Variants in SLC38A10 observed in about 807,000 individuals in gnomAD.
SLC38A10 encodes Sodium-coupled neutral amino acid transporter 10.
Under a neutral mutation model 81.0 loss-of-function variants are expected in SLC38A10, and 53 were observed. The observed-to-expected ratio is 0.65, with a 90% CI of 0.53 to 0.82. The LOEUF is 0.82. Among genes scored for constraint, SLC38A10 ranks in the 40% least tolerant of loss-of-function variants. SLC38A10 has a pLI of 0.00. For synonymous variants in SLC38A10, 665 were observed against 655.3 expected, an observed-to-expected ratio of 1.01 and a Z score of -0.23; for missense variants, 1,471 against 1,545.0, an observed-to-expected ratio of 0.95 and a Z score of 0.80.
intron 6 of SLC38A10, among the ~76,000 whole-genome samples, chr17:81,278,799 T>C (rs1049386597): frequency 3.9e-5 from 6 of 152,034 alleles, no homozygotes; most frequent in African/African-American, 1.4e-4. Flanking sequence ...CAGCCCCCAA[T>C]ACACCCTGTG....
intron 14 of SLC38A10, chr17:81,250,004 G>C: frequency 1.6e-6 from 2 of 1,265,874 alleles, no homozygotes; most frequent in South Asian, 2.5e-5. Flanking sequence ...CCACCGAGGG[G>C]CTGCGCTCAG....
At position 81,289,165 on chromosome 17, in the gene SLC38A10, T is replaced by C. The variant is rs2063290868; in HGVS notation, c.217+526A>G. On this transcript the variant is annotated intron_variant, in intron 2 of 15. Transcript: ENST00000374759. This position sits in a 1 kb window ranked among gnomAD's most constrained non-coding sequence, Gnocchi z 5.9. The stretch of plus-strand genomic sequence containing the variant: ...AAGAGATTCTCTGGCCTCAGCCTCC[T>C]GAGTAGCTAGGATTACAGATGCCTG... 6.6e-6 allele frequency among the ~76,000 whole-genome samples: 1 copy of C among 151,886 alleles called. No homozygotes were observed. The highest frequency in any genetic ancestry group is 2.1e-4 in the South Asian group (1 of 4,804).
At chr17:81,256,858 C>G (rs1487518707) in intron 11 of SLC38A10, among the ~76,000 whole-genome samples, 1 of 152,262 alleles carries the variant, frequency 6.6e-6, no homozygotes, top group African/African-American at 2.4e-5. Context: ...CCCAGGCTAT[C>G]TGGCTCCTGG....
At position 81,272,528 on chromosome 17, in the gene SLC38A10, G is replaced by A; in HGVS notation, c.1012C>T (p.Leu338Phe). Residue 338 changes from leucine (L) to phenylalanine (F), a missense_variant, in exon 9 of 16, where the codon CTT (leucine) becomes TTT (phenylalanine). Leu to Phe is a conservative substitution (Grantham distance 22, BLOSUM62 0). Around this residue, in one of 2 missense-constraint regions of SLC38A10, gnomAD observed 720 missense variants for 827.7 expected, o/e 0.87. Coordinates refer to ENST00000374759, the MANE Select transcript of SLC38A10 (RefSeq NM_001037984.3). ...CCTCCCGCCTTACCGTTGGGGATAA[G>A]GATGCCACCAACCATGGTTCCAAAC... ...VVFGTMVGGILIPNVETILGL... is the reference protein window; with the variant it reads ...VVFGTMVGGIFIPNVETILGL... 6.3e-7 allele frequency: 1 copy of A among 1,595,414 alleles called. No individual in the cohort carries two copies. The highest frequency in any genetic ancestry group is 8.5e-7 in the Non-Finnish European group (1 of 1,172,354).
intron 1 of SLC38A10, among the ~76,000 whole-genome samples, chr17:81,290,688 C>CA (rs1323138590): frequency 6.6e-5 from 10 of 152,154 alleles, no homozygotes; most frequent in African/African-American, 2.4e-4. Flanking sequence ...GGTGGTTACA[C>CA]AGCAAGCCCA....
Position 81,251,530 on chromosome 17 carries a change from C to G in SLC38A10, c.2028G>C (p.Glu676Asp), listed in dbSNP as rs55872261. The G allele has an allele frequency of 5.1e-6, 8 of 1,568,918 alleles. No individual in the cohort carries two copies. The highest frequency in any genetic ancestry group is 6.9e-6 in the Non-Finnish European group (8 of 1,161,568). ...TGGCCGCCTGGTTTCCACCCGCTCG[C>G]TCCACGTCCCTCTGCTCGCGAGGCT... The part of the protein sequence containing the change: ...PPEPREQRDV[E>D]RAGGNQAASQ... Residue 676 changes from glutamate (E) to aspartate (D), a missense_variant, in exon 14 of 16, where the codon GAG becomes GAC. By Grantham distance (45) the Glu-to-Asp change is conservative. Coordinates refer to ENST00000374759, the MANE Select transcript of SLC38A10 (RefSeq NM_001037984.3).
Position 81,277,028 on chromosome 17 carries a change from T to TA in SLC38A10, c.729+2dup, listed in dbSNP as rs1186527773. ...GGCGGAGAGGGCGTGGCAAGGCTCT[T>TA]ACCATGACGTAGAAGGTGGTGACCA... On this transcript the variant is annotated splice_region_variant and intron_variant, in intron 7 of 15. Transcript: ENST00000374759. The surrounding 1 kb of genome is among the most constrained non-coding windows in gnomAD (Gnocchi z 4.5). The TA allele has an allele frequency of 6.2e-7, 1 of 1,613,550 alleles. No homozygotes were observed. The highest frequency in any genetic ancestry group is 8.5e-7 in the Non-Finnish European group (1 of 1,179,686).
intron 14 of SLC38A10, chr17:81,247,335 C>T (rs901670306): frequency 1.5e-5 from 5 of 341,300 alleles, no homozygotes; most frequent in African/African-American, 2.1e-5. Flanking sequence ...CACTGTGCCG[C>T]ATCAGTTCTC....
At chr17:81,254,065 T>C (rs2062950025) in intron 11 of SLC38A10, among the ~76,000 whole-genome samples, 1 of 151,458 alleles carries the variant, frequency 6.6e-6, no homozygotes, top group African/African-American at 2.4e-5. Context: ...TCCATCATCG[T>C]CGTCACCTCC....
chr17:81,270,963 C>A lies in SLC38A10; in HGVS notation c.1086G>T (p.Pro362=), dbSNP rs540178428. 1.9e-6 allele frequency: 3 copies of A among 1,613,846 alleles called. No individual in the cohort carries two copies. In the South Asian group the frequency reaches 3.3e-5, roughly 18 times the overall value. The change falls in exon 10 of 16, where the codon CCG becomes CCT. Residue 362 remains proline (P), a synonymous_variant. Transcript: ENST00000374759. This position sits in a 1 kb window ranked among gnomAD's most constrained non-coding sequence, Gnocchi z 4.0. Reference sequence around the variant, plus strand: ...TGTGGATTTTCTTGTAGATCAGCGCCGGGCAGATGAAGCAGATGAGGCTTC... The same window carrying A: ...TGTGGATTTTCTTGTAGATCAGCGCAGGGCAGATGAAGCAGATGAGGCTTC... The part of the protein sequence containing the change: ...TMGSLICFIC[P]ALIYKKIHKN...
At chr17:81,275,758 C>T (rs1467440400) in intron 8 of SLC38A10, among the ~76,000 whole-genome samples, 1 of 149,180 alleles carries the variant, frequency 6.7e-6, no homozygotes, top group Non-Finnish European at 1.5e-5. Context: ...GTGCAGTGAA[C>T]GCCATGTGCC....
Position 81,252,247 on chromosome 17 carries a change from C to G in SLC38A10, c.1893G>C (p.Pro631=), listed in dbSNP as rs373189727. 9.7e-6 allele frequency: 15 copies of G among 1,551,736 alleles called. No homozygotes were observed. In the African/African-American group the frequency reaches 2.1e-4, roughly 21 times the overall value. ...GGGEKAKGGP[P]PGNAAGDTGQ... ...CTGTGTCCCCGGCGGCGTTGCCTGG[C>G]GGCGGTCCCCCCTTGGCCTTTTCCC... Residue 631 remains proline, a synonymous_variant, in exon 13 of 16, where the codon CCG becomes CCC. Coordinates refer to ENST00000374759, the MANE Select transcript of SLC38A10 (RefSeq NM_001037984.3).
rs1266239377 is a variant in SLC38A10, at chr17:81,250,966, C to A, written c.2065+527G>T. On this transcript the variant is annotated intron_variant, in intron 14 of 15. Transcript: ENST00000374759. ...GGTGACAGATCCCTGTAGATGAACACAGCCGAGCTCCGAGGCCCGAGGGTG... is the reference window on the plus strand; with the variant it reads ...GGTGACAGATCCCTGTAGATGAACAAAGCCGAGCTCCGAGGCCCGAGGGTG... 11 of 1,313,366 alleles carry A rather than the reference C, an allele frequency of 8.4e-6. No individual in the cohort carries two copies. The South Asian group carries it at 2.5e-4, about 30-fold the overall frequency. The allele number at this position is 1,313,366 out of a possible 1,614,324, so 81.4% of individuals were successfully genotyped here. A position where few individuals can be genotyped will look rare whatever the true frequency, so the allele number is the denominator to read the frequency against.
At position 81,284,899 on chromosome 17, in the gene SLC38A10, G is replaced by C; in HGVS notation, c.218-4C>G. On this transcript the variant is annotated splice_polypyrimidine_tract_variant and splice_region_variant and intron_variant, in intron 2 of 15. Transcript: ENST00000374759. ...GCCTTCCCGTAGGCGTGGAATGCTA[G>C]TGCAAAAGAAAAAGGAACACTCAAT... 6.5e-7 allele frequency: 1 copy of C among 1,544,190 alleles called. No homozygotes were observed. Among genetic ancestry groups the C allele is most frequent in the Non-Finnish European group, 8.7e-7 (1 of 1,143,318 alleles).
intron 10 of SLC38A10, among the ~76,000 whole-genome samples, chr17:81,261,991 T>TA (rs1419510350): frequency 6.6e-6 from 1 of 152,256 alleles, no homozygotes; most frequent in African/African-American, 2.4e-5. Context: ...TCAGCCATGT[T>TA]ACATCTTCCT....
rs147141590 is a variant in SLC38A10, at chr17:81,252,631, G to T, written c.1509C>A (p.His503Gln). The stretch of plus-strand genomic sequence containing the variant: ...GGCCTTCATCTACCACCACCTTGTC[G>T]TGAGGAACAGGAGGCTCGTGGCGGT... ...EAHRHEPPVP[H>Q]DKVVVDEGQD... Residue 503 changes from histidine (H) to glutamine (Q), a missense_variant, in exon 13 of 16, where the codon CAC becomes CAA. His to Gln is a conservative substitution (Grantham distance 24). Coordinates refer to ENST00000374759, the MANE Select transcript of SLC38A10 (RefSeq NM_001037984.3). 2 of 1,612,100 alleles carry T rather than the reference G, an allele frequency of 1.2e-6. No individual in the cohort carries two copies. Among genetic ancestry groups the T allele is most frequent in the African/African-American group, 2.7e-5 (2 of 74,920 alleles).
chr17:81,278,041 G>A (rs1376651216), intron 6 of SLC38A10, among the ~76,000 whole-genome samples: 1 of 141,348 alleles, frequency 7.1e-6, no homozygotes, highest in Non-Finnish European at 1.5e-5. Flanking sequence ...CCGGGGGAGG[G>A]CGGGATGCAG....
chr17:81,260,795 G>A (rs1001333989), intron 10 of SLC38A10, among the ~76,000 whole-genome samples: 6 of 152,218 alleles, frequency 3.9e-5, no homozygotes, highest in Admixed American at 6.5e-5. Context: ...CTGAAGGTAC[G>A]TGACGAGCCT....
rs2062842446 is a variant in SLC38A10 at position 81,245,731 on chromosome 17, C to T, written c.3185G>A (p.Gly1062Asp). The change falls in exon 16 of 16, where the codon GGT (glycine) becomes GAT (aspartate). Residue 1062 changes from glycine to aspartate, a missense_variant. Gly to Asp is a moderately conservative substitution (Grantham distance 94). This residue lies in a region of SLC38A10 where 751 missense variants were observed against 717.4 expected (regional missense o/e 1.05). Coordinates refer to ENST00000374759, the MANE Select transcript of SLC38A10 (RefSeq NM_001037984.3). ...RRRDLGPHAE[G>D]QLAPRDGVII... Reference sequence around the variant, plus strand: ...GACCCCATCCCTCGGGGCCAGCTGACCCTCTGCATGAGGGCCAAGGTCCCG... The same window carrying T: ...GACCCCATCCCTCGGGGCCAGCTGATCCTCTGCATGAGGGCCAAGGTCCCG... 1 of 1,597,784 alleles carries T rather than the reference C, an allele frequency of 6.3e-7. No homozygotes were observed. Among genetic ancestry groups the T allele is most frequent in the Middle Eastern group, 1.7e-4 (1 of 6,010 alleles).
Sources: gnomAD v4.1 joint callset for allele counts (sites outside exome capture counted in the v4.1 genomes callset) on GRCh38, gnomAD v4.1.1 for gene constraint, gnomAD v4.1.1 regional missense constraint, Gnocchi (gnomAD v3.1) non-coding constraint, MANE v1.5 for transcripts, NCBI Gene and HGNC (gene_info 2026-07-23, HGNC 2026-07-21) for gene names.